The following CD247 variants were observed in gnomAD, a reference collection of about 807,000 sequenced individuals.
The protein encoded by CD247 is CD247 molecule, also known as T-cell surface glycoprotein CD3 zeta chain.
CD247 carries 13 observed loss-of-function variants against 30.0 expected under a neutral mutation model. That is an observed-to-expected ratio of 0.43 (90% confidence interval 0.28 to 0.69). CD247 has a LOEUF of 0.69. Ranked by LOEUF, CD247 falls within the 30% of genes least tolerant of loss-of-function variation. CD247 has a pLI of 0.16. For synonymous variants in CD247, 72 were observed against 80.0 expected (o/e 0.90, Z 0.53); for missense variants, 193 against 212.6 (o/e 0.91, Z 0.57).
intron 1 of CD247, among the ~76,000 whole-genome samples, chr1:167,472,779 ATCTTGTGTCTGACCC>A (rs942453430): frequency 6.6e-6 from 1 of 152,066 alleles, no homozygotes; most frequent in African/African-American, 2.4e-5. Flanking sequence ...AACATTACTA[ATCTTGTGTCTGACCC>A]TCTTGTGTCT....
intron 1 of CD247, among the ~76,000 whole-genome samples, chr1:167,478,373 T>G (rs889148319): frequency 1.3e-5 from 2 of 152,366 alleles, no homozygotes; most frequent in East Asian, 3.8e-4. Flanking sequence ...ACATGAAGAA[T>G]AGCAGAGATA....
At chr1:167,445,827 A>G (rs995015341) in intron 1 of CD247, among the ~76,000 whole-genome samples, 2 of 152,312 alleles carry the variant, frequency 1.3e-5, no homozygotes, top group South Asian at 4.1e-4. Flanking sequence ...CTCCTTCTCC[A>G]GCAAATCCTG....
intron 1 of CD247, among the ~76,000 whole-genome samples, chr1:167,484,492 T>C (rs1286168576): frequency 6.6e-6 from 1 of 152,168 alleles, no homozygotes; most frequent in Non-Finnish European, 1.5e-5. Flanking sequence ...AAGAGCCCTG[T>C]TCAGCCAGGC....
At chr1:167,432,680 G>T (rs1442838097) in intron 7 of CD247, among the ~76,000 whole-genome samples, 1 of 152,230 alleles carries the variant, frequency 6.6e-6, no homozygotes, top group Admixed American at 6.5e-5. Context: ...CAGAGTGAGG[G>T]TTCTACAAGA....
rs901420081 is a variant in CD247, at chr1:167,494,044, G to T, written c.58+24364C>A. 1.3e-5 allele frequency among the ~76,000 whole-genome samples: 2 copies of T among 152,098 alleles called. No individual in the cohort carries two copies. Among genetic ancestry groups the T allele is most frequent in the Non-Finnish European group, 2.9e-5 (2 of 68,034 alleles). ...CTCAGGGCTCTGCTGAGTTGGGTGG[G>T]GGAGGCTGGAGGCTGCAAAATGATG... On this transcript the variant is annotated intron_variant, in intron 1 of 7. Transcript: ENST00000362089. This position sits in a 1 kb window ranked among gnomAD's most constrained non-coding sequence, Gnocchi z 7.3.
At chr1:167,492,566 G>A (rs1654499730) in intron 1 of CD247, among the ~76,000 whole-genome samples, 1 of 152,178 alleles carries the variant, frequency 6.6e-6, no homozygotes, top group Non-Finnish European at 1.5e-5. Context: ...TAGCAGGGAG[G>A]GGAATTTTCC....
At position 167,463,021 on chromosome 1, in the gene CD247, A is replaced by C. The variant is rs116918963; in HGVS notation, c.59-22254T>G. Among the ~76,000 whole-genome samples, 6 of 152,242 alleles carry C rather than the reference A, an allele frequency of 3.9e-5. No homozygotes were observed. The East Asian group carries it at 7.7e-4, about 20-fold the overall frequency. On this transcript the variant is annotated intron_variant, in intron 1 of 7. Coordinates refer to ENST00000362089, the MANE Select transcript of CD247 (RefSeq NM_198053.3). ...CAGGTTACCTGGCATCCCTGGCCCT[A>C]AGAATTTGGGGACTGCTTCTTTTGC...
chr1:167,435,564 T>A, intron 4 of CD247, 130 bp from the exon 5 acceptor site: 2 of 778,032 alleles, frequency 2.6e-6, no homozygotes, highest in Non-Finnish European at 4.5e-6. Flanking sequence ...CTCCTCCCTG[T>A]GCTACCCCAG....
chr1:167,492,074 T>C (rs1176975799), intron 1 of CD247, among the ~76,000 whole-genome samples: 1 of 152,162 alleles, frequency 6.6e-6, no homozygotes, highest in Non-Finnish European at 1.5e-5. Context: ...ACAATATGAA[T>C]GTACTTGACA....
chr1:167,444,091 C>T (rs982126356), intron 1 of CD247, among the ~76,000 whole-genome samples: 2 of 152,226 alleles, frequency 1.3e-5, no homozygotes, highest in African/African-American at 4.8e-5. Context: ...AGTCACTTCC[C>T]TCTCTGGGCC....
At chr1:167,433,914 G>T in intron 6 of CD247, 106 bp downstream of exon 6, 2 of 1,033,146 alleles carry the variant, frequency 1.9e-6, no homozygotes, top group Non-Finnish European at 3.1e-6. Context: ...CACCACATGG[G>T]CATTTGCAGC....
At chr1:167,488,595 G>C (rs1341080840) in intron 1 of CD247, among the ~76,000 whole-genome samples, 1 of 152,230 alleles carries the variant, frequency 6.6e-6, no homozygotes, top group Non-Finnish European at 1.5e-5. Flanking sequence ...ACCGGATATT[G>C]AAGGTTGATG....
At chr1:167,472,985 T>G (rs1443803804) in intron 1 of CD247, among the ~76,000 whole-genome samples, 1 of 152,286 alleles carries the variant, frequency 6.6e-6, no homozygotes, top group African/African-American at 2.4e-5. Flanking sequence ...CCTGCCCACC[T>G]GCTCCTCTGG....
intron 1 of CD247, among the ~76,000 whole-genome samples, chr1:167,497,679 G>A (rs939748901): frequency 6.6e-6 from 1 of 152,222 alleles, no homozygotes; most frequent in African/African-American, 2.4e-5. Flanking sequence ...TGGGCTGAGA[G>A]TCAGTCCTGG....
rs751850041 is a variant in CD247, at chr1:167,440,675, G to A, written c.151C>T (p.Leu51=). ...IYGVILTALF[L]RVKFSRSADA... ...CCAGTGGTACCCACCTTCACTCTCAGGAACAAGGCAGTGAGAATGACACCA... is the reference window on the plus strand; with the variant it reads ...CCAGTGGTACCCACCTTCACTCTCAAGAACAAGGCAGTGAGAATGACACCA... Residue 51 remains leucine, a synonymous_variant, in exon 2 of 8, where the codon CTG becomes TTG. Coordinates refer to ENST00000362089, the MANE Select transcript of CD247 (RefSeq NM_198053.3). The A allele has an allele frequency of 3.1e-5, 50 of 1,611,694 alleles. No homozygotes were observed. The highest frequency in any genetic ancestry group is 4.2e-5 in the Non-Finnish European group (50 of 1,178,070).
intron 1 of CD247, among the ~76,000 whole-genome samples, chr1:167,476,225 T>C (rs1171383755): frequency 6.6e-6 from 1 of 152,124 alleles, no homozygotes; most frequent in African/African-American, 2.4e-5. Flanking sequence ...CCTTCTCAGA[T>C]TCTGCTGAGC....
intron 1 of CD247, among the ~76,000 whole-genome samples, chr1:167,512,232 G>A (rs151161162): frequency 2.0e-3 from 310 of 152,238 alleles, no homozygotes; most frequent in Non-Finnish European, 3.4e-3. Flanking sequence ...TGCAGCCGAC[G>A]CACAAGCAGA....
chr1:167,449,053 G>C (rs554297162), intron 1 of CD247, among the ~76,000 whole-genome samples: 123 of 151,966 alleles, frequency 8.1e-4, no homozygotes, highest in Non-Finnish European at 1.5e-3. Flanking sequence ...GATTTCTTAG[G>C]GGTAGCGCTT....
chr1:167,484,929 C>CCTGCTGCT (rs1229585361), intron 1 of CD247, among the ~76,000 whole-genome samples: 1 of 152,218 alleles, frequency 6.6e-6, no homozygotes, highest in African/African-American at 2.4e-5. Context: ...GGGCTCATTC[C>CCTGCTGCT]CTGCTGCTCT....
Sources: gnomAD v4.1 joint callset for allele counts (sites outside exome capture counted in the v4.1 genomes callset) on GRCh38, gnomAD v4.1.1 for gene constraint, Gnocchi (gnomAD v3.1) non-coding constraint, MANE v1.5 for transcripts, NCBI Gene and HGNC (gene_info 2026-07-23, HGNC 2026-07-21) for gene names.